The following TBC1D32 variants were observed in gnomAD, a reference collection of about 807,000 sequenced individuals.
TBC1D32 encodes the protein TBC1 domain family member 32, also known as protein broad-minded.
Under a neutral mutation model 170.3 loss-of-function variants are expected in TBC1D32, and 151 were observed. The observed-to-expected ratio is 0.89, with a 90% CI of 0.78 to 1.01. The LOEUF (loss-of-function observed/expected upper bound fraction) is 1.01, where lower values mean the gene tolerates loss of function less well. TBC1D32 is among the 50% of genes least tolerant of loss of function. The pLI, the probability that TBC1D32 is intolerant of heterozygous loss-of-function variation, is 0.00. For missense variants in TBC1D32, 1,464 were observed against 1,457.1 expected, an observed-to-expected ratio of 1.00 and a Z score of -0.08; for synonymous variants, 498 against 488.0, an observed-to-expected ratio of 1.02 and a Z score of -0.27.
chr6:121,189,999 A>G (rs1789731526), intron 22 of TBC1D32, among the ~76,000 whole-genome samples: 1 of 151,658 alleles, frequency 6.6e-6, no homozygotes, highest in Non-Finnish European at 1.5e-5. Flanking sequence ...ATGGGCATTT[A>G]GCATCACTGC....
intron 22 of TBC1D32, among the ~76,000 whole-genome samples, chr6:121,176,833 G>A (rs187258515): frequency 1.2e-4 from 19 of 152,102 alleles, no homozygotes; most frequent in Admixed American, 9.2e-4. Flanking sequence ...TCCTGACCTC[G>A]TGATCTGCCC....
intron 15 of TBC1D32, among the ~76,000 whole-genome samples, chr6:121,265,011 G>A (rs1800280075): frequency 1.3e-5 from 2 of 152,228 alleles, no homozygotes; most frequent in South Asian, 4.1e-4. Context: ...CAAAAGACAA[G>A]GATGCCCTCT....
intron 31 of TBC1D32, among the ~76,000 whole-genome samples, chr6:121,086,226 C>T (rs1776261427): frequency 6.6e-6 from 1 of 151,842 alleles, no homozygotes; most frequent in South Asian, 2.1e-4. Flanking sequence ...CTTCAACAAC[C>T]CTATGTGATG....
At chr6:121,321,219 A>G (rs1449280002) in intron 2 of TBC1D32, among the ~76,000 whole-genome samples, 2 of 152,208 alleles carry the variant, frequency 1.3e-5, no homozygotes, top group Admixed American at 1.3e-4. Flanking sequence ...ACCCCAAAAA[A>G]AGTGAAGGAG....
intron 22 of TBC1D32, among the ~76,000 whole-genome samples, chr6:121,188,414 A>G (rs568595201): frequency 1.3e-5 from 2 of 152,264 alleles, no homozygotes; most frequent in African/African-American, 4.8e-5. Flanking sequence ...ACTACCAATA[A>G]ATAATATTTA....
At chr6:121,088,156 T>C (rs1017733611) in intron 31 of TBC1D32, among the ~76,000 whole-genome samples, 1 of 152,020 alleles carries the variant, frequency 6.6e-6, no homozygotes, top group Non-Finnish European at 1.5e-5. Context: ...GATTTTGCCA[T>C]GTTGCCCAGG....
chr6:121,145,004 C>T (rs1005734966), intron 24 of TBC1D32, among the ~76,000 whole-genome samples: 4 of 152,094 alleles, frequency 2.6e-5, no homozygotes, highest in Admixed American at 2.6e-4. Context: ...GAGATCTTAC[C>T]AGTGGGCTGA....
chr6:121,131,158 G>A lies in TBC1D32; in HGVS notation c.2899+469C>T, dbSNP rs370555921. Among the ~76,000 whole-genome samples, 4 of 151,878 alleles carry A rather than the reference G, an allele frequency of 2.6e-5. No homozygotes were observed. The South Asian group carries it at 6.2e-4, about 24-fold the overall frequency. On this transcript the variant is annotated intron_variant, in intron 25 of 31. Coordinates refer to ENST00000398212, the MANE Select transcript of TBC1D32 (RefSeq NM_152730.6). ...AATGATGATTTCAGAAAACAAATGC[G>A]CAAGTAGATAACTGAATACAAATAA...
At chr6:121,253,827 A>C (rs1798615770) in intron 17 of TBC1D32, among the ~76,000 whole-genome samples, 1 of 152,210 alleles carries the variant, frequency 6.6e-6, no homozygotes, top group Non-Finnish European at 1.5e-5. Context: ...AACAGTATGG[A>C]GATTCCTTAA....
At chr6:121,330,397 C>T (rs77320754) in intron 1 of TBC1D32, among the ~76,000 whole-genome samples, 3,657 of 152,164 alleles carry the variant, frequency 0.024, 161 homozygotes, top group East Asian at 0.12. Context: ...AAAAAGTCAC[C>T]GGTGAATTCT....
intron 15 of TBC1D32, among the ~76,000 whole-genome samples, chr6:121,274,798 AC>A (rs1277714441): frequency 6.6e-6 from 1 of 152,148 alleles, no homozygotes; most frequent in African/African-American, 2.4e-5. Context: ...TGAGGCAGAA[AC>A]CCATTCTGAA....
intron 17 of TBC1D32, among the ~76,000 whole-genome samples, chr6:121,253,029 T>C (rs146482906): frequency 0.011 from 1,716 of 152,182 alleles, 8 homozygotes; most frequent in Middle Eastern, 0.031. Flanking sequence ...GAAAAACTCT[T>C]CTGGGCATTA....
At chr6:121,084,654 T>C (rs1273642653) in intron 31 of TBC1D32, among the ~76,000 whole-genome samples, 2 of 152,180 alleles carry the variant, frequency 1.3e-5, no homozygotes, top group South Asian at 2.1e-4. Context: ...AAGTTATTTG[T>C]ATCAGTTGAT....
intron 20 of TBC1D32, among the ~76,000 whole-genome samples, chr6:121,224,613 C>T (rs1445148538): frequency 6.6e-6 from 1 of 152,058 alleles, no homozygotes; most frequent in Non-Finnish European, 1.5e-5. Context: ...TTTCCAGACT[C>T]AAGTTACTCA....
intron 30 of TBC1D32, among the ~76,000 whole-genome samples, chr6:121,092,398 T>C (rs1340734655): frequency 2.1e-5 from 3 of 140,788 alleles, no homozygotes; most frequent in Admixed American, 1.6e-4. Flanking sequence ...GATACAGATA[T>C]ACAAAATTTC....
At chr6:121,096,062 T>A (rs1411145141) in intron 30 of TBC1D32, 1 of 152,140 alleles carries the variant, frequency 6.6e-6, no homozygotes, top group Admixed American at 6.6e-5. Flanking sequence ...GGTCTGGTTC[T>A]GGACTTTTTT....
At chr6:121,299,642 G>T (rs1806167378) in intron 9 of TBC1D32, 137 bp from the exon 10 acceptor site, 2 of 779,848 alleles carry the variant, frequency 2.6e-6, no homozygotes, top group Non-Finnish European at 3.8e-6. Context: ...TGACAGACAG[G>T]TGTTTATGTG....
intron 22 of TBC1D32, among the ~76,000 whole-genome samples, chr6:121,195,884 G>A (rs557369814): frequency 6.6e-6 from 1 of 152,344 alleles, no homozygotes; most frequent in South Asian, 2.1e-4. Context: ...AGTGCACCAG[G>A]TTGTGCACTT....
At chr6:121,223,481 G>A (rs775095427) in intron 20 of TBC1D32, 129 bp from the exon 21 acceptor site, 60 of 684,524 alleles carry the variant, frequency 8.8e-5, no homozygotes, top group Middle Eastern at 2.4e-4. Flanking sequence ...ATTCCCATAC[G>A]TTTGAAATAT....
Sources: gnomAD v4.1 joint callset for allele counts (sites outside exome capture counted in the v4.1 genomes callset) on GRCh38, gnomAD v4.1.1 for gene constraint, MANE v1.5 for transcripts, NCBI Gene and HGNC (gene_info 2026-07-23, HGNC 2026-07-21) for gene names.